Variants in COL14A1 observed in about 807,000 individuals in gnomAD.
COL14A1 encodes the protein collagen type XIV alpha 1 chain, also known as collagen alpha-1(XIV) chain.
A neutral mutation model predicts 230.3 loss-of-function variants in COL14A1; 136 were observed. That is an observed-to-expected ratio of 0.59 (90% CI 0.51 to 0.68). The LOEUF (loss-of-function observed/expected upper bound fraction) is 0.68, where lower values mean the gene tolerates loss of function less well. COL14A1 is among the 30% of genes least tolerant of loss of function. The pLI, the probability that COL14A1 is intolerant of heterozygous loss-of-function variation, is 0.00. For missense variants in COL14A1, 1,976 were observed against 2,215.8 expected (o/e 0.89, Z 2.17); for synonymous variants, 792 against 784.1 (o/e 1.01, Z -0.17).
At chr8:120,174,849 G>A (rs567450211) in intron 5 of COL14A1, among the ~76,000 whole-genome samples, 3 of 152,044 alleles carry the variant, frequency 2.0e-5, no homozygotes, top group Non-Finnish European at 4.4e-5. Flanking sequence ...ACAGAGTTAC[G>A]GCTCCTAGGA....
intron 35 of COL14A1, among the ~76,000 whole-genome samples, chr8:120,299,298 G>T (rs1820636531): frequency 6.6e-6 from 1 of 151,972 alleles, no homozygotes; most frequent in African/African-American, 2.4e-5. Flanking sequence ...CAAATTCATG[G>T]CAGTCTGTAT....
Position 120,209,790 on chromosome 8 carries a change from C to T in COL14A1, c.1356C>T (p.Tyr452=), listed in dbSNP as rs369093681. The T allele has an allele frequency of 4.0e-5, 65 of 1,613,346 alleles. No individual in the cohort carries two copies. The highest frequency in any genetic ancestry group is 4.2e-5 in the Non-Finnish European group (49 of 1,179,716). The part of the protein sequence containing the change: ...ALPMASDLLL[Y]DVTENSMRVK... ...CGATGGCTTCTGACCTTCTACTGTACGACGTGACTGAGAACAGCATGCGAG... is the reference window on the plus strand; with the variant it reads ...CGATGGCTTCTGACCTTCTACTGTATGACGTGACTGAGAACAGCATGCGAG... The change falls in exon 12 of 48, where the codon TAC becomes TAT. Residue 452 remains tyrosine (Y), a synonymous_variant. Coordinates refer to ENST00000297848, the MANE Select transcript of COL14A1 (RefSeq NM_021110.4).
At chr8:120,223,486 A>G (rs1817994157) in intron 14 of COL14A1, among the ~76,000 whole-genome samples, 1 of 152,128 alleles carries the variant, frequency 6.6e-6, no homozygotes, top group Non-Finnish European at 1.5e-5. Context: ...CCTGGCCAAC[A>G]TGGTGAAACC....
chr8:120,295,806 C>T (rs898605280), intron 34 of COL14A1, among the ~76,000 whole-genome samples: 1 of 151,802 alleles, frequency 6.6e-6, no homozygotes, highest in African/African-American at 2.4e-5. Flanking sequence ...TTATTATGCT[C>T]ACTTTACAGA....
intron 19 of COL14A1, among the ~76,000 whole-genome samples, chr8:120,241,722 G>T (rs1818614523): frequency 6.6e-6 from 1 of 152,074 alleles, no homozygotes; most frequent in African/African-American, 2.4e-5. Flanking sequence ...TATCAATAGG[G>T]TAAGAAGGTT....
At chr8:120,199,052 T>A (rs1198008251) in intron 7 of COL14A1, among the ~76,000 whole-genome samples, 2 of 152,186 alleles carry the variant, frequency 1.3e-5, no homozygotes, top group African/African-American at 4.8e-5. Flanking sequence ...ATTGAAAACC[T>A]AGTGATAACG....
At chr8:120,198,491 A>C (rs947159331) in intron 7 of COL14A1, among the ~76,000 whole-genome samples, 1 of 152,126 alleles carries the variant, frequency 6.6e-6, no homozygotes, top group Admixed American at 6.5e-5. Flanking sequence ...GGTTTGTAAA[A>C]ATTTTCACCT....
intron 20 of COL14A1, among the ~76,000 whole-genome samples, 154 bp downstream of exon 20, chr8:120,244,162 C>T (rs1474069345): frequency 6.6e-6 from 1 of 152,204 alleles, no homozygotes; most frequent in East Asian, 1.9e-4. Flanking sequence ...TTTACACACA[C>T]AAGCTATGTG....
rs1000175934 is a variant in COL14A1, at chr8:120,370,986, T to C, written c.5312-166T>C. 6.5e-6 allele frequency: 7 copies of C among 1,074,738 alleles called. No homozygotes were observed. The African/African-American group carries it at 1.1e-4, about 17-fold the overall frequency. 66.6% of individuals were successfully genotyped at this position (1,074,738 alleles called of 1,614,324 possible). A position where few individuals can be genotyped will look rare whatever the true frequency, so the allele number is the denominator to read the frequency against. ...TCTTTCCCTTCGTCTATTTACTAAC[T>C]GTCTGAAACCTTATGGGGAAGGTAC... On this transcript the variant is annotated intron_variant, in intron 47 of 47. Coordinates refer to ENST00000297848, the MANE Select transcript of COL14A1 (RefSeq NM_021110.4).
intron 38 of COL14A1, among the ~76,000 whole-genome samples, chr8:120,314,792 G>A (rs893897292): frequency 1.3e-5 from 2 of 152,142 alleles, no homozygotes; most frequent in Non-Finnish European, 2.9e-5. Flanking sequence ...ATAAACATTG[G>A]TTGAGGTCTT....
intron 3 of COL14A1, 79 bp from the exon 4 acceptor site, chr8:120,162,347 T>A: frequency 2.5e-6 from 3 of 1,214,270 alleles, no homozygotes; most frequent in Non-Finnish European, 3.4e-6. Context: ...AACACCATAA[T>A]TGCTAACTAA....
In COL14A1 at chr8:120,228,711, T is replaced by C. The variant is rs1470112022; in HGVS notation, c.2139T>C (p.Leu713=). 22 of 1,613,294 alleles carry C rather than the reference T, an allele frequency of 1.4e-5. No individual in the cohort carries two copies. Among genetic ancestry groups the C allele is most frequent in the African/African-American group, 2.7e-5 (2 of 74,912 alleles). Residue 713 remains leucine (L), a splice_region_variant and synonymous_variant, in exon 18 of 48, where the codon CTT becomes CTC. Transcript: ENST00000297848. ...SEVVTAVGTT[L]DSFWTEPATT... The stretch of plus-strand genomic sequence containing the variant: ...TTTAAAGTAATATATTGCTTTTAGT[T>C]GACAGTTTTTGGACAGAACCAGCTA...
chr8:120,242,891 C>T (rs1418152729), intron 19 of COL14A1, among the ~76,000 whole-genome samples: 2 of 152,222 alleles, frequency 1.3e-5, no homozygotes, highest in Non-Finnish European at 2.9e-5. Context: ...TAGGTTCCTT[C>T]CTTCATCCAG....
intron 40 of COL14A1, among the ~76,000 whole-genome samples, chr8:120,320,010 C>T (rs1821382988): frequency 6.6e-6 from 1 of 152,146 alleles, no homozygotes; most frequent in South Asian, 2.1e-4. Flanking sequence ...GACTTCAGGA[C>T]CTATCCTGTG....
chr8:120,138,888 G>T (rs1303950404), intron 1 of COL14A1, among the ~76,000 whole-genome samples: 1 of 152,142 alleles, frequency 6.6e-6, no homozygotes, highest in Non-Finnish European at 1.5e-5. Context: ...TCAGTTGACT[G>T]TAAAATTCTC....
At chr8:120,142,101 G>A (rs940378354) in intron 1 of COL14A1, among the ~76,000 whole-genome samples, 1 of 152,004 alleles carries the variant, frequency 6.6e-6, no homozygotes, top group East Asian at 1.9e-4. Flanking sequence ...GACAAACGTG[G>A]CCTGTTTTTT....
intron 3 of COL14A1, among the ~76,000 whole-genome samples, chr8:120,161,493 A>G (rs1205444922): frequency 2.6e-5 from 4 of 152,330 alleles, no homozygotes; most frequent in Non-Finnish European, 5.9e-5. Context: ...GAACCAAGCC[A>G]ACTTTTAAGT....
At chr8:120,256,038 T>C (rs193079808) in intron 23 of COL14A1, among the ~76,000 whole-genome samples, 42 of 152,258 alleles carry the variant, frequency 2.8e-4, no homozygotes, top group Non-Finnish European at 5.6e-4. Context: ...AACATCAGCA[T>C]GGACACTATG....
Position 120,199,477 on chromosome 8 carries a change from G to T in COL14A1, c.788G>T (p.Gly263Val), listed in dbSNP as rs764261501. 1 of 1,612,406 alleles carries T rather than the reference G, an allele frequency of 6.2e-7. No individual in the cohort carries two copies. The highest frequency in any genetic ancestry group is 1.1e-5 in the South Asian group (1 of 90,640). The change falls in exon 8 of 48, where the codon GGC (glycine) becomes GTC (valine). Residue 263 changes from glycine (G) to valine (V), a missense_variant. Gly to Val is a moderately radical substitution (Grantham distance 109). Around this residue, in one of 3 missense-constraint regions of COL14A1, gnomAD observed 1,791 missense variants for 2,019.5 expected, o/e 0.89. Transcript: ENST00000297848. Reference protein sequence around the residue: ...AGSRTGVSKIGILITDGKSQD... With the variant: ...AGSRTGVSKIVILITDGKSQD... ...TCAAGGACTGGAGTATCCAAAATTG[G>T]CATTTTAATCACAGATGGAAAATCC...
Sources: allele counts gnomAD v4.1 joint callset (sites outside exome capture counted in the v4.1 genomes callset), GRCh38; gene constraint gnomAD v4.1.1; regional missense constraint gnomAD v4.1.1; transcripts MANE v1.5; gene names NCBI Gene and HGNC (gene_info 2026-07-23, HGNC 2026-07-21).